The following ERC2 variants were observed in gnomAD, a reference collection of about 807,000 sequenced individuals.
The protein encoded by ERC2 is ELKS/RAB6-interacting/CAST family member 2, also known as ERC protein 2.
Under a neutral mutation model 114.8 loss-of-function variants are expected in ERC2, and 42 were observed. The observed-to-expected ratio is 0.37, with a 90% confidence interval of 0.29 to 0.47. The LOEUF (loss-of-function observed/expected upper bound fraction) is 0.47, where lower values mean the gene tolerates loss of function less well. Ranked by LOEUF, ERC2 falls within the 20% of genes least tolerant of loss-of-function variation. ERC2 has a pLI of 0.99. For synonymous variants in ERC2, 454 were observed against 425.5 expected, an observed-to-expected ratio of 1.07 and a Z score of -0.82; for missense variants, 939 against 1,150.7, an observed-to-expected ratio of 0.82 and a Z score of 2.66.
intron 14 of ERC2, among the ~76,000 whole-genome samples, chr3:55,886,488 C>T (rs890151729): frequency 2.6e-5 from 4 of 152,118 alleles, no homozygotes; most frequent in African/African-American, 9.7e-5. Flanking sequence ...TGGAAACTTT[C>T]TCAAATAAAC....
intron 7 of ERC2, among the ~76,000 whole-genome samples, chr3:56,040,278 T>C (rs1231620676): frequency 6.6e-6 from 1 of 152,108 alleles, no homozygotes; most frequent in Non-Finnish European, 1.5e-5. Context: ...GCTTGTTTTA[T>C]TTAGTTTATA....
intron 3 of ERC2, among the ~76,000 whole-genome samples, chr3:56,260,668 T>C (rs531156202): frequency 5.1e-4 from 77 of 152,334 alleles, no homozygotes; most frequent in Non-Finnish European, 7.8e-4. Context: ...TTAACCGCTA[T>C]GCTCCACCAC....
chr3:56,032,899 GAC>G (rs1277980056), intron 7 of ERC2, among the ~76,000 whole-genome samples: 92 of 81,812 alleles, frequency 1.1e-3, no homozygotes, highest in African/African-American at 1.3e-3. Context: ...GAGAGAGAGA[GAC>G]AGAAAGAAAG....
At chr3:56,309,045 T>G (rs966725883) in intron 2 of ERC2, among the ~76,000 whole-genome samples, 3 of 152,174 alleles carry the variant, frequency 2.0e-5, no homozygotes, top group African/African-American at 7.2e-5. Flanking sequence ...GGCTGTGTCA[T>G]GTGTGTGAAA....
At chr3:56,164,748 C>T (rs900923148) in intron 4 of ERC2, among the ~76,000 whole-genome samples, 2 of 151,994 alleles carry the variant, frequency 1.3e-5, no homozygotes, top group Non-Finnish European at 2.9e-5. Context: ...ACATCCTCCC[C>T]AACGCTCATT....
At chr3:56,410,092 C>A (rs1017000644) in intron 2 of ERC2, among the ~76,000 whole-genome samples, 1 of 152,166 alleles carries the variant, frequency 6.6e-6, no homozygotes, top group African/African-American at 2.4e-5. Context: ...TTCCTTATAA[C>A]CTGAAACAGA....
At position 55,880,713 on chromosome 3, in the gene ERC2, T is replaced by A. The variant is rs562768597; in HGVS notation, c.2564+7676A>T. Among the ~76,000 whole-genome samples the A allele has an allele frequency of 4.3e-4, 66 of 151,902 alleles. No individual in the cohort carries two copies. The South Asian group carries it at 7.5e-3, about 17-fold the overall frequency. ...GACATTCTAGGACACATTACCATAG[T>A]ATTTAATATTTTTAAAATTGGACAT... On this transcript the variant is annotated intron_variant, in intron 14 of 17. Transcript: ENST00000288221.
At chr3:55,769,572 T>C (rs1038544598) in intron 14 of ERC2, among the ~76,000 whole-genome samples, 1 of 152,146 alleles carries the variant, frequency 6.6e-6, no homozygotes, top group African/African-American at 2.4e-5. Context: ...TCTCAGGGGA[T>C]AAAAATTATA....
Position 55,703,151 on chromosome 3 carries a change from A to T in ERC2, c.2713-3639T>A, listed in dbSNP as rs546217554. Among the ~76,000 whole-genome samples, 32 of 152,244 alleles carry T rather than the reference A, an allele frequency of 2.1e-4. No individual in the cohort carries two copies. The South Asian group carries it at 3.5e-3, about 17-fold the overall frequency. ...CTGCTGCACTCTCACCTCCCATTGAACACATTCCATAGCCAGAGTGACATC... is the reference window on the plus strand; with the variant it reads ...CTGCTGCACTCTCACCTCCCATTGATCACATTCCATAGCCAGAGTGACATC... On this transcript the variant is annotated intron_variant, in intron 15 of 17. Transcript: ENST00000288221.
At chr3:55,864,212 C>A (rs141256528) in intron 14 of ERC2, among the ~76,000 whole-genome samples, 2 of 135,320 alleles carry the variant, frequency 1.5e-5, no homozygotes, top group Non-Finnish European at 3.0e-5. Flanking sequence ...TATATACACA[C>A]ATATATACAC....
chr3:55,550,820 TC>T (rs1231185296), intron 17 of ERC2, among the ~76,000 whole-genome samples: 4 of 151,752 alleles, frequency 2.6e-5, no homozygotes, highest in South Asian at 2.1e-4. Flanking sequence ...ATCGAGACCA[TC>T]CTGGCTAACA....
chr3:55,798,094 C>T (rs1178301463), intron 14 of ERC2, among the ~76,000 whole-genome samples: 1 of 152,016 alleles, frequency 6.6e-6, no homozygotes, highest in Non-Finnish European at 1.5e-5. Context: ...AAAGGAAAGT[C>T]TAGCACATTC....
chr3:56,412,599 G>T (rs2060984468), intron 2 of ERC2, among the ~76,000 whole-genome samples: 1 of 152,142 alleles, frequency 6.6e-6, no homozygotes, highest in Non-Finnish European at 1.5e-5. Flanking sequence ...CTACCACTTT[G>T]AGAGACATAA....
intron 14 of ERC2, among the ~76,000 whole-genome samples, chr3:55,778,505 G>T (rs1025970332): frequency 6.6e-6 from 1 of 152,124 alleles, no homozygotes; most frequent in African/African-American, 2.4e-5. Context: ...AGGAAATCCA[G>T]ATGCTATAAA....
Position 55,532,042 on chromosome 3 carries a change from A to G in ERC2, c.*40-20766T>C, listed in dbSNP as rs556276479. Among the ~76,000 whole-genome samples the G allele has an allele frequency of 3.3e-5, 5 of 152,356 alleles. No homozygotes were observed. In the East Asian group the frequency reaches 5.8e-4, roughly 18 times the overall value. ...GCTGCTTTATACCAAGACTACGCAA[A>G]TAGAGCTACACAAGATCTTTGGCTT... is the stretch of plus-strand genomic sequence containing the variant. On this transcript the variant is annotated intron_variant, in intron 17 of 17. Coordinates refer to ENST00000288221, the MANE Select transcript of ERC2 (RefSeq NM_015576.3).
intron 2 of ERC2, among the ~76,000 whole-genome samples, chr3:56,384,384 T>C (rs192238800): frequency 1.1e-4 from 16 of 152,304 alleles, no homozygotes; most frequent in Non-Finnish European, 2.1e-4. Flanking sequence ...TTTTTTGTAA[T>C]AGCCATCTTA....
At chr3:55,840,639 A>G (rs977206536) in intron 14 of ERC2, among the ~76,000 whole-genome samples, 2 of 152,014 alleles carry the variant, frequency 1.3e-5, no homozygotes, top group Non-Finnish European at 2.9e-5. Flanking sequence ...TATTTACACA[A>G]AAGTAAAGAA....
At chr3:56,100,568 T>C (rs2078297013) in intron 6 of ERC2, among the ~76,000 whole-genome samples, 2 of 152,260 alleles carry the variant, frequency 1.3e-5, no homozygotes, top group South Asian at 4.1e-4. Flanking sequence ...ATATTTCATT[T>C]TGATTGTTAA....
chr3:55,689,642 C>T (rs1045753168), intron 16 of ERC2, among the ~76,000 whole-genome samples: 4 of 151,924 alleles, frequency 2.6e-5, no homozygotes, highest in Non-Finnish European at 4.4e-5. Context: ...ATCAAATTTC[C>T]TTTTGACTCT....
Sources: gnomAD v4.1 joint callset for allele counts (sites outside exome capture counted in the v4.1 genomes callset) on GRCh38, gnomAD v4.1.1 for gene constraint, MANE v1.5 for transcripts, NCBI Gene and HGNC (gene_info 2026-07-23, HGNC 2026-07-21) for gene names.